Variants in PBX1 observed in about 807,000 individuals in gnomAD.
The protein encoded by PBX1 is pre-B-cell leukemia transcription factor 1.
A neutral mutation model predicts 53.4 loss-of-function variants in PBX1; 6 were observed. The ratio of observed to expected loss-of-function variants is 0.11; its 90% CI spans 0.06 to 0.22. PBX1 has a LOEUF of 0.22. Among genes scored for constraint, PBX1 ranks in the 10% least tolerant of loss-of-function variants. The pLI is 1.00. For missense variants in PBX1, 251 were observed against 551.4 expected (o/e 0.46, Z 5.46); for synonymous variants, 204 against 212.3 (o/e 0.96, Z 0.34).
rs1464341771 is a variant in PBX1, at chr1:164,850,061, G to A, written c.*3385G>A. ...GATAAAGAAAAAAAAAACCAAAAAA[G>A]CGGTCTGAATTTAATAGTGTTTATA... On this transcript the variant is annotated 3_prime_UTR_variant, in exon 9 of 9. Transcript: ENST00000420696. 4.4e-6 allele frequency: 1 copy of A among 225,068 alleles called. No individual in the cohort carries two copies. The highest frequency in any genetic ancestry group is 8.8e-6 in the Non-Finnish European group (1 of 113,302). 13.9% of individuals were successfully genotyped at this position (225,068 alleles called of 1,614,324 possible). A position where few individuals can be genotyped will look rare whatever the true frequency, so the allele number is the denominator to read the frequency against.
chr1:164,817,836 G>T lies in PBX1; in HGVS notation c.998-2236G>T, dbSNP rs201380645. 6 of 152,076 alleles carry T rather than the reference G, an allele frequency of 3.9e-5. No individual in the cohort carries two copies. The East Asian group carries it at 1.2e-3, about 29-fold the overall frequency. The allele number at this position is 152,076 out of a possible 1,614,324, so 9.4% of individuals were successfully genotyped here. On this transcript the variant is annotated intron_variant, in intron 6 of 8. Coordinates refer to ENST00000420696, the MANE Select transcript of PBX1 (RefSeq NM_002585.4). Reference sequence around the variant, plus strand: ...TATACTAATTTCCAGAAAAACATTGGTCAAACTTATAGTCCTTATGTTTAG... The same window carrying T: ...TATACTAATTTCCAGAAAAACATTGTTCAAACTTATAGTCCTTATGTTTAG...
rs576557120 is a variant in PBX1, at chr1:164,776,987, G to T, written c.266-15507G>T. On this transcript the variant is annotated intron_variant, in intron 2 of 8. Coordinates refer to ENST00000420696, the MANE Select transcript of PBX1 (RefSeq NM_002585.4). ...AGAGAGAGAGAGAGAGAGGAGGTGT[G>T]GGGGGGCGGGGGGCTGCCATCCAGA... Among the ~76,000 whole-genome samples the T allele has an allele frequency of 3.7e-3, 525 of 141,806 alleles. 20 individuals are homozygous for T. Among genetic ancestry groups the T allele is most frequent in the African/African-American group, 0.014 (501 of 37,034 alleles). The allele number at this position is 141,806 out of a possible 152,430, so 93.0% of individuals were successfully genotyped here. A position where few individuals can be genotyped will look rare whatever the true frequency, so the allele number is the denominator to read the frequency against.
At chr1:164,613,488 C>T (rs186535148) in intron 2 of PBX1, among the ~76,000 whole-genome samples, 57 of 152,230 alleles carry the variant, frequency 3.7e-4, no homozygotes, top group African/African-American at 8.7e-4. Context: ...TCAGGATTGC[C>T]GTAAAGCTAT....
chr1:164,737,479 T>C (rs945892888), intron 2 of PBX1, among the ~76,000 whole-genome samples: 2 of 151,954 alleles, frequency 1.3e-5, no homozygotes, highest in African/African-American at 2.4e-5. Context: ...TTTTTTTCTT[T>C]CCTTTTTTTT....
rs746140319 is a variant in PBX1, at chr1:164,773,241, G to GCACA, written c.266-19252_266-19251insACAC. Among the ~76,000 whole-genome samples the GCACA allele has an allele frequency of 5.2e-3, 698 of 135,286 alleles. 8 individuals are homozygous for GCACA. The highest frequency in any genetic ancestry group is 9.1e-3 in the Admixed American group (124 of 13,558). 88.8% of individuals were successfully genotyped at this position (135,286 alleles called of 152,430 possible). A position where few individuals can be genotyped will look rare whatever the true frequency, so the allele number is the denominator to read the frequency against. On this transcript the variant is annotated intron_variant, in intron 2 of 8. Coordinates refer to ENST00000420696, the MANE Select transcript of PBX1 (RefSeq NM_002585.4). ...TCCAGCTCTTGCATATAGGTAACACGCGCACACACACACACACACACACAC... is the reference window on the plus strand; with the variant it reads ...TCCAGCTCTTGCATATAGGTAACACGCACACGCACACACACACACACACACACAC...
Position 164,666,804 on chromosome 1 carries a change from T to C in PBX1, c.265+103493T>C, listed in dbSNP as rs190172226. On this transcript the variant is annotated intron_variant, in intron 2 of 8. Coordinates refer to ENST00000420696, the MANE Select transcript of PBX1 (RefSeq NM_002585.4). ...AAAAAGTAGTAAAAATAAATAATAATTTACTACTTGCTACCTTCTACTGAG... is the reference window on the plus strand; with the variant it reads ...AAAAAGTAGTAAAAATAAATAATAACTTACTACTTGCTACCTTCTACTGAG... Among the ~76,000 whole-genome samples, 256 of 152,264 alleles carry C rather than the reference T, an allele frequency of 1.7e-3. 1 individual carries two copies. Among genetic ancestry groups the C allele is most frequent in the African/African-American group, 5.9e-3 (245 of 41,548 alleles).
chr1:164,619,960 G>A (rs924922947), intron 2 of PBX1, among the ~76,000 whole-genome samples: 2 of 152,158 alleles, frequency 1.3e-5, no homozygotes, highest in Admixed American at 1.3e-4. Flanking sequence ...GATCACTTGA[G>A]CCTAGGAGTT....
intron 2 of PBX1, among the ~76,000 whole-genome samples, chr1:164,624,783 C>G (rs561822682): frequency 5.3e-5 from 8 of 152,208 alleles, no homozygotes; most frequent in Admixed American, 2.0e-4. Context: ...TACAATAACT[C>G]TCTTATAGTG....
chr1:164,722,028 A>G (rs571032999), intron 2 of PBX1, among the ~76,000 whole-genome samples: 2 of 152,164 alleles, frequency 1.3e-5, no homozygotes, highest in East Asian at 1.9e-4. Context: ...CATCTTTTAA[A>G]CCCAGTTTTA....
chr1:164,588,812 C>T (rs1029757161), intron 2 of PBX1, among the ~76,000 whole-genome samples: 1 of 152,190 alleles, frequency 6.6e-6, no homozygotes, highest in Non-Finnish European at 1.5e-5. Flanking sequence ...TTTTCTTAAG[C>T]TCAGCCCCCT....
chr1:164,571,958 G>A (rs1653915204), intron 2 of PBX1, among the ~76,000 whole-genome samples: 1 of 136,704 alleles, frequency 7.3e-6, no homozygotes, highest in African/African-American at 2.8e-5. Flanking sequence ...CCAGGCAGGA[G>A]TGCAGTAGTG....
chr1:164,578,655 C>T (rs2101733454), intron 2 of PBX1, among the ~76,000 whole-genome samples: 1 of 152,254 alleles, frequency 6.6e-6, no homozygotes, highest in Admixed American at 6.5e-5. Flanking sequence ...ACTCCCAAAG[C>T]CCATGACAGG....
At chr1:164,744,776 G>A (rs778391798) in intron 2 of PBX1, among the ~76,000 whole-genome samples, 15 of 151,750 alleles carry the variant, frequency 9.9e-5, no homozygotes, top group Non-Finnish European at 1.6e-4. Context: ...AGATAGGTAG[G>A]TAATCTGAGG....
At position 164,659,557 on chromosome 1, in the gene PBX1, C is replaced by T. The variant is rs373597236; in HGVS notation, c.265+96246C>T. ...AGCAAGGGAAAGTTGGGATTTGTAC[C>T]GAGGAAGCAGCAGGTGAGTTTGGGA... is the stretch of plus-strand genomic sequence containing the variant. On this transcript the variant is annotated intron_variant, in intron 2 of 8. Coordinates refer to ENST00000420696, the MANE Select transcript of PBX1 (RefSeq NM_002585.4). Among the ~76,000 whole-genome samples, 51 of 152,248 alleles carry T rather than the reference C, an allele frequency of 3.3e-4. 3 individuals are homozygous for T. The South Asian group carries it at 1.0e-2, about 30-fold the overall frequency.
chr1:164,688,426 A>G (rs892591228), intron 2 of PBX1, among the ~76,000 whole-genome samples: 2 of 152,236 alleles, frequency 1.3e-5, no homozygotes, highest in African/African-American at 4.8e-5. Context: ...AAATGGAACC[A>G]TACCTGAAAA....
intron 2 of PBX1, among the ~76,000 whole-genome samples, chr1:164,579,614 G>A (rs553134076): frequency 1.6e-4 from 25 of 152,188 alleles, no homozygotes; most frequent in Non-Finnish European, 3.2e-4. Flanking sequence ...AGCACAGTCT[G>A]TCTGTCCTGG....
At chr1:164,577,407 T>G (rs1397133369) in intron 2 of PBX1, among the ~76,000 whole-genome samples, 1 of 152,204 alleles carries the variant, frequency 6.6e-6, no homozygotes, top group Non-Finnish European at 1.5e-5. Flanking sequence ...TTTACCAGTC[T>G]TCAGAAAATA....
chr1:164,715,941 T>C lies in PBX1; in HGVS notation c.266-76553T>C, dbSNP rs150747302. Among the ~76,000 whole-genome samples the C allele has an allele frequency of 2.6e-5, 4 of 152,314 alleles. No individual in the cohort carries two copies. The East Asian group carries it at 7.7e-4, about 29-fold the overall frequency. ...GGCTTACAAAGGCCTATTGCCCACT[T>C]ATACTTCTCAAAGCAGCCATTCAGA... On this transcript the variant is annotated intron_variant, in intron 2 of 8. Transcript: ENST00000420696.
intron 2 of PBX1, among the ~76,000 whole-genome samples, chr1:164,873,428 G>A (rs1295204620): frequency 1.3e-5 from 2 of 152,234 alleles, no homozygotes; most frequent in East Asian, 3.8e-4. Context: ...TTACCAAGTA[G>A]TAAATAATGT....
Sources: gnomAD v4.1 joint callset for allele counts (sites outside exome capture counted in the v4.1 genomes callset) on GRCh38, gnomAD v4.1.1 for gene constraint, MANE v1.5 for transcripts, NCBI Gene and HGNC (gene_info 2026-07-23, HGNC 2026-07-21) for gene names.